ARHGEF18: variants seen among roughly 807,000 people sequenced by gnomAD.
The protein encoded by ARHGEF18 is rho guanine nucleotide exchange factor 18.
A neutral mutation model predicts 155.7 loss-of-function variants in ARHGEF18; 93 were observed. The observed-to-expected ratio is 0.60, with a 90% CI of 0.50 to 0.71. ARHGEF18 has a LOEUF of 0.71. Among genes scored for constraint, ARHGEF18 ranks in the 30% least tolerant of loss-of-function variants. The probability of loss-of-function intolerance (pLI) is 0.00; values close to 1 mark genes in which losing one functional copy is unlikely to be tolerated. For synonymous variants in ARHGEF18, 742 were observed against 753.1 expected (o/e 0.99, Z 0.24); for missense variants, 1,593 against 1,816.1 (o/e 0.88, Z 2.23).
intron 13 of ARHGEF18, among the ~76,000 whole-genome samples, chr19:7,443,055 A>ATTT (rs10600280): frequency 8.6e-5 from 7 of 81,190 alleles, no homozygotes; most frequent in Admixed American, 1.4e-4. Flanking sequence ...TGCCCAGCTA[A>ATTT]TTTTTTTTTT....
chr19:7,431,044 T>C (rs11666999), intron 10 of ARHGEF18, among the ~76,000 whole-genome samples: 80,686 of 151,784 alleles, frequency 0.53, 22,120 homozygotes, highest in East Asian at 0.75. Flanking sequence ...GTCCCAGCTA[T>C]TCGGGAGGCT....
In ARHGEF18 at chr19:7,382,796, G is replaced by C. The variant is rs574718933; in HGVS notation, c.727G>C (p.Glu243Gln). 8.1e-7 allele frequency: 1 copy of C among 1,232,312 alleles called. No individual in the cohort carries two copies. The highest frequency in any genetic ancestry group is 1.6e-5 in the African/African-American group (1 of 64,418). 76.3% of individuals were successfully genotyped at this position (1,232,312 alleles called of 1,614,324 possible). A position where few individuals can be genotyped will look rare whatever the true frequency, so the allele number is the denominator to read the frequency against. ...ACCTTCCCTCTCGTCCCTCAGGAGC[G>C]AGGACGGTGCTGGCAAGAACGAGAA... is the stretch of plus-strand genomic sequence containing the variant. ...LTWFEFLSES[E>Q]DGAGKNEKSD... Residue 243 changes from glutamate (E) to glutamine (Q), a missense_variant, in exon 9 of 29, where the codon GAG (glutamate) becomes CAG (glutamine). Physicochemically the swap from Glu to Gln is conservative, Grantham distance 29 (BLOSUM62 2). Coordinates refer to ENST00000668164, the MANE Select transcript of ARHGEF18 (RefSeq NM_001367823.1).
chr19:7,451,332 C>G (rs1975450757), intron 16 of ARHGEF18, 66 bp downstream of exon 16: 6 of 1,377,812 alleles, frequency 4.4e-6, no homozygotes, highest in Non-Finnish European at 6.1e-6. Flanking sequence ...TCCGTGTACC[C>G]ACTCCCTATT....
chr19:7,453,475 G>A lies in ARHGEF18; in HGVS notation c.1864G>A (p.Glu622Lys). The A allele has an allele frequency of 6.3e-7, 1 of 1,596,800 alleles. No individual in the cohort carries two copies. The highest frequency in any genetic ancestry group is 8.6e-7 in the Non-Finnish European group (1 of 1,168,740). Residue 622 changes from glutamate (E) to lysine (K), a missense_variant, in exon 17 of 29, where the codon GAG becomes AAG. Transcript: ENST00000668164. ...TCTGCTATGTGTGGCAGCTGGCACT[G>A]AGGACTATGAAGACCTGACCCAGGC... ...RIIQNTEAGT[E>K]DYEDLTQALN...
chr19:7,375,136 G>A (rs1011083768), intron 3 of ARHGEF18, among the ~76,000 whole-genome samples: 2 of 152,040 alleles, frequency 1.3e-5, no homozygotes, highest in African/African-American at 4.8e-5. Flanking sequence ...GCTGGGCATG[G>A]TGGCACGTGC....
chr19:7,476,006 C>T (rs749129417), downstream of ARHGEF18, among the ~76,000 whole-genome samples: 1 of 152,214 alleles, frequency 6.6e-6, no homozygotes, highest in South Asian at 2.1e-4. Context: ...CAGTCCCCGG[C>T]CTCCCAGCTG....
At chr19:7,420,981 A>T in intron 10 of ARHGEF18, among the ~76,000 whole-genome samples, 1 of 152,044 alleles carries the variant, frequency 6.6e-6, no homozygotes, top group Non-Finnish European at 1.5e-5. Flanking sequence ...CCCAGGCTGG[A>T]GGGCAGTGGT....
Position 7,469,925 on chromosome 19 carries a change from A to G in ARHGEF18, c.3809A>G (p.Gln1270Arg). Reference sequence around the variant, plus strand: ...CCAGCGTCCTTCGACCTGAAGCAGCAGCTGCTGCTCAACAAGCTCATGGGG... The same window carrying G: ...CCAGCGTCCTTCGACCTGAAGCAGCGGCTGCTGCTCAACAAGCTCATGGGG... ...ESSASFDLKQ[Q>R]LLLNKLMGKD... Residue 1270 changes from glutamine to arginine, a missense_variant, in exon 28 of 29, where the codon CAG becomes CGG. By Grantham distance (43) the Gln-to-Arg change is conservative (BLOSUM62 1). Transcript: ENST00000668164. 6.2e-7 allele frequency: 1 copy of G among 1,612,908 alleles called. No homozygotes were observed. The highest frequency in any genetic ancestry group is 8.5e-7 in the Non-Finnish European group (1 of 1,179,848).
chr19:7,351,253 T>C (rs1264082309), intron 1 of ARHGEF18, among the ~76,000 whole-genome samples: 1 of 152,240 alleles, frequency 6.6e-6, no homozygotes, highest in African/African-American at 2.4e-5. Flanking sequence ...ATGTTCTGGG[T>C]CATACCCATG....
At chr19:7,413,863 A>T (rs114706446) in intron 10 of ARHGEF18, among the ~76,000 whole-genome samples, 1,539 of 152,226 alleles carry the variant, frequency 0.01, 17 homozygotes, top group African/African-American at 0.021. Context: ...ACTTAGTAGG[A>T]AGCCACCCAC....
At chr19:7,439,609 A>T in intron 10 of ARHGEF18, 1 of 978,566 alleles carries the variant, frequency 1.0e-6, no homozygotes, top group Non-Finnish European at 1.2e-6. Flanking sequence ...GTTTATAATC[A>T]CCATATGGAA....
intron 1 of ARHGEF18, among the ~76,000 whole-genome samples, chr19:7,358,215 T>TTCCATCCATCCATCCA (rs151337455): frequency 0.09 from 12,901 of 142,756 alleles, 795 homozygotes; most frequent in Middle Eastern, 0.12. Context: ...CCATCCATCC[T>TTCCATCCATCCATCCA]TCCATCCATC....
Position 7,451,223 on chromosome 19 carries a change from C to G in ARHGEF18, c.1812C>G (p.Thr604=), listed in dbSNP as rs1302340069. ...TTCTCCTGGTTACACAACGCATAAC[C>G]AAATACCCAGTGCTGGTGGAGCGCA... ...ECILLVTQRI[T]KYPVLVERII... Residue 604 remains threonine (T), a synonymous_variant, in exon 16 of 29, where the codon ACC becomes ACG. Transcript: ENST00000668164. 6.2e-7 allele frequency: 1 copy of G among 1,602,964 alleles called. No homozygotes were observed. The highest frequency in any genetic ancestry group is 2.2e-5 in the East Asian group (1 of 44,490).
At chr19:7,380,589 C>T (rs568736445) in intron 7 of ARHGEF18, among the ~76,000 whole-genome samples, 2 of 152,070 alleles carry the variant, frequency 1.3e-5, no homozygotes, top group African/African-American at 2.4e-5. Flanking sequence ...GAGACTGAGG[C>T]GGGAGGATTG....
chr19:7,478,354 G>C, the ARHGEF18 span: 3 of 1,611,286 alleles, frequency 1.9e-6, no homozygotes, highest in Non-Finnish European at 2.5e-6. Context: ...CTCTGTCTCA[G>C]TTTCAGCAGC....
At chr19:7,362,992 C>G in intron 2 of ARHGEF18, 87 bp downstream of exon 2, 1 of 1,219,592 alleles carries the variant, frequency 8.2e-7, no homozygotes, top group African/African-American at 1.6e-5. Flanking sequence ...TTTTACCAGG[C>G]ACTTTGTGTA....
intron 3 of ARHGEF18, among the ~76,000 whole-genome samples, chr19:7,374,412 C>A (rs1217626197): frequency 2.0e-5 from 3 of 152,104 alleles, no homozygotes; most frequent in Admixed American, 6.6e-5. Flanking sequence ...CGCGGTGGCT[C>A]ACACCTATAA....
intron 16 of ARHGEF18, among the ~76,000 whole-genome samples, chr19:7,453,140 T>A (rs1033931518): frequency 3.9e-5 from 6 of 151,908 alleles, no homozygotes; most frequent in African/African-American, 1.5e-4. Flanking sequence ...CAGGTTGCAG[T>A]GAGCTGAGAT....
At chr19:7,366,611 C>G (rs1019669646) in intron 2 of ARHGEF18, among the ~76,000 whole-genome samples, 2 of 152,202 alleles carry the variant, frequency 1.3e-5, no homozygotes, top group Non-Finnish European at 2.9e-5. Context: ...CTGGAACCTT[C>G]TATCATTCTT....
Sources: allele counts gnomAD v4.1 joint callset (sites outside exome capture counted in the v4.1 genomes callset), GRCh38; gene constraint gnomAD v4.1.1; transcripts MANE v1.5; gene names NCBI Gene and HGNC (gene_info 2026-07-23, HGNC 2026-07-21).